Variants in PIGQ observed in about 807,000 individuals in gnomAD.
PIGQ encodes phosphatidylinositol glycan anchor biosynthesis class Q, also known as phosphatidylinositol N-acetylglucosaminyltransferase subunit Q.
PIGQ carries 54 observed loss-of-function variants against 60.3 expected under a neutral mutation model. The ratio of observed to expected loss-of-function variants is 0.90; its 90% CI spans 0.72 to 1.12. The LOEUF (loss-of-function observed/expected upper bound fraction) is 1.12. Ranked by LOEUF, PIGQ falls within the 50% of genes most tolerant of loss-of-function variation. The probability of loss-of-function intolerance (pLI) is 0.00; values close to 1 mark genes in which losing one functional copy is unlikely to be tolerated. For missense variants in PIGQ, 799 were observed against 793.5 expected (o/e 1.01, Z -0.08); for synonymous variants, 416 against 363.7 (o/e 1.14, Z -1.64).
rs137927310 is a variant in PIGQ at position 574,383 on chromosome 16, G to A, written c.309G>A (p.Thr103=). 268 of 1,610,498 alleles carry A rather than the reference G, an allele frequency of 1.7e-4. No homozygotes were observed. The highest frequency in any genetic ancestry group is 2.1e-4 in the Non-Finnish European group (243 of 1,179,344). Residue 103 remains threonine, a synonymous_variant, in exon 2 of 11, where the codon ACG becomes ACA. Transcript: ENST00000321878. ...GGCTGTGCCGGGAGAGAGGCGGCAC[G>A]TTCTGGAGCTGCGAGGCCACCCACC... ...WLRLCRERGG[T]FWSCEATHRQ...
chr16:571,341 C>CGTGCGT (rs2035621487), intron 1 of PIGQ, among the ~76,000 whole-genome samples: 1 of 13,596 alleles, frequency 7.4e-5, no homozygotes, highest in Non-Finnish European at 1.3e-4. Flanking sequence ...GCCTGGTGCC[C>CGTGCGT]GTGTGTGTGT....
intron 4 of PIGQ, 119 bp downstream of exon 4, chr16:576,373 T>C (rs2035719048): frequency 2.5e-6 from 3 of 1,192,944 alleles, no homozygotes; most frequent in East Asian, 5.1e-5. Context: ...TTCTCCATGC[T>C]CTGGAGACAC....
At chr16:573,397 G>C (rs941427721) in intron 1 of PIGQ, among the ~76,000 whole-genome samples, 1 of 152,154 alleles carries the variant, frequency 6.6e-6, no homozygotes, top group Non-Finnish European at 1.5e-5. Flanking sequence ...GGGTGCCACC[G>C]TGGGCGGGGG....
rs2035861803 is a variant in PIGQ, at chr16:584,098, C to T, written c.*1063C>T. The stretch of plus-strand genomic sequence containing the variant: ...CAGCTGCTGTGACAATAAAACCTGC[C>T]CCGTGTCTGGAGCGCAGGCTCGGTC... On this transcript the variant is annotated 3_prime_UTR_variant, in exon 11 of 11. Transcript: ENST00000321878. 1 of 279,392 alleles carries T rather than the reference C, an allele frequency of 3.6e-6. No homozygotes were observed. The highest frequency in any genetic ancestry group is 3.6e-5 in the South Asian group (1 of 27,788). The allele number at this position is 279,392 out of a possible 1,614,324, so 17.3% of individuals were successfully genotyped here.
Position 578,268 on chromosome 16 carries a change from C to T in PIGQ, c.943-111C>T, listed in dbSNP as rs1372150025. The T allele has an allele frequency of 4.3e-6, 5 of 1,150,056 alleles. No individual in the cohort carries two copies. The Admixed American group carries it at 6.6e-5, about 15-fold the overall frequency. The allele number at this position is 1,150,056 out of a possible 1,614,324, so 71.2% of individuals were successfully genotyped here. ...TGTCCACGCTAGGACGCGGTAGACC[C>T]TGGAGGAGGGAAGGCTGGCCAAGGT... On this transcript the variant is annotated intron_variant, in intron 4 of 10. Coordinates refer to ENST00000321878, the MANE Select transcript of PIGQ (RefSeq NM_004204.5).
At chr16:575,494 G>A (rs765442340) in intron 2 of PIGQ, among the ~76,000 whole-genome samples, 14 of 152,164 alleles carry the variant, frequency 9.2e-5, no homozygotes, top group Admixed American at 2.0e-4. Flanking sequence ...AGGAGACCCC[G>A]GGCAGCTTTC....
In PIGQ at chr16:578,292, G is replaced by C. The variant is rs904386055; in HGVS notation, c.943-87G>C. 4.2e-6 allele frequency: 6 copies of C among 1,416,296 alleles called. No homozygotes were observed. The East Asian group carries it at 1.2e-4, about 29-fold the overall frequency. The allele number at this position is 1,416,296 out of a possible 1,614,324, so 87.7% of individuals were successfully genotyped here. A position where few individuals can be genotyped will look rare whatever the true frequency, so the allele number is the denominator to read the frequency against. On this transcript the variant is annotated intron_variant, in intron 4 of 10. Coordinates refer to ENST00000321878, the MANE Select transcript of PIGQ (RefSeq NM_004204.5). ...CCTGGAGGAGGGAAGGCTGGCCAAGGTGGGAGCCCATCACGAAAGAGCCTG... is the reference window on the plus strand; with the variant it reads ...CCTGGAGGAGGGAAGGCTGGCCAAGCTGGGAGCCCATCACGAAAGAGCCTG...
chr16:577,347 G>A (rs2035734575), intron 4 of PIGQ: 5 of 152,172 alleles, frequency 3.3e-5, no homozygotes, highest in Admixed American at 1.3e-4. Flanking sequence ...GGAGGCCAAG[G>A]CGGGCGGATC....
intron 1 of PIGQ, among the ~76,000 whole-genome samples, chr16:571,673 C>T (rs2105944): frequency 0.27 from 39,857 of 150,164 alleles, 5,908 homozygotes; most frequent in East Asian, 0.62. Context: ...TGCTTTCTCC[C>T]GTCCCATACC....
At chr16:570,206 C>G (rs926872029) in intron 1 of PIGQ, 110 bp downstream of exon 1, 5 of 151,944 alleles carry the variant, frequency 3.3e-5, no homozygotes, top group African/African-American at 1.2e-4. Flanking sequence ...CTGCTTTCTC[C>G]TCCCAGAAGT....
chr16:570,926 G>GTCT (rs2151041832), intron 1 of PIGQ, among the ~76,000 whole-genome samples: 1 of 152,348 alleles, frequency 6.6e-6, no homozygotes, highest in Admixed American at 6.5e-5. Flanking sequence ...GGAAGTCTTA[G>GTCT]TCTTACTACT....
At chr16:578,679 C>A (rs1469975811) in intron 5 of PIGQ, 106 bp from the exon 6 acceptor site, 1 of 1,473,530 alleles carries the variant, frequency 6.8e-7, no homozygotes, top group African/African-American at 1.4e-5. Context: ...AGGGCTGACC[C>A]CACCCTGCCA....
chr16:575,796 G>T lies in PIGQ; in HGVS notation c.690-43G>T, dbSNP rs537715352. 134 of 1,540,528 alleles carry T rather than the reference G, an allele frequency of 8.7e-5. No homozygotes were observed. In the Middle Eastern group the frequency reaches 1.2e-3, roughly 13 times the overall value. ...TGCACAGTGGGGGACGGTGGGAGGA[G>T]GATCTGGAGAGGGACACATCACTCC... On this transcript the variant is annotated intron_variant, in intron 2 of 10. Coordinates refer to ENST00000321878, the MANE Select transcript of PIGQ (RefSeq NM_004204.5).
intron 9 of PIGQ, 96 bp downstream of exon 9, chr16:581,068 C>A: frequency 7.5e-7 from 1 of 1,339,494 alleles, no homozygotes; most frequent in Non-Finnish European, 1.1e-6. Context: ...GCCACTGTGC[C>A]TCCAGCCTGG....
At chr16:582,651 C>G in intron 10 of PIGQ, 1 of 599,146 alleles carries the variant, frequency 1.7e-6, no homozygotes, top group Non-Finnish European at 3.0e-6. Context: ...GTGGCACGGC[C>G]CCTCAGAGTT....
chr16:582,123 C>T, intron 9 of PIGQ, 125 bp from the exon 10 acceptor site: 1 of 748,776 alleles, frequency 1.3e-6, no homozygotes, highest in Non-Finnish European at 2.4e-6. Flanking sequence ...GCGGGGAGAG[C>T]TTCGTGGGTG....
chr16:581,208 C>T (rs1313321158), intron 9 of PIGQ: 5 of 1,427,304 alleles, frequency 3.5e-6, no homozygotes, highest in African/African-American at 2.9e-5. Flanking sequence ...GGTTCAGAAC[C>T]CTGGAGACCT....
At position 574,576 on chromosome 16, in the gene PIGQ, A is replaced by G. The variant is rs372058981; in HGVS notation, c.502A>G (p.Thr168Ala). Residue 168 changes from threonine to alanine, a missense_variant, in exon 2 of 11, where the codon ACG becomes GCG. Transcript: ENST00000321878. ...GGGGGGCCTGGCTGCCGTCTTCGAC[A>G]CGGTAGCACGCAGTGAGGTGCTCTT... ...STGGLAAVFD[T>A]VARSEVLFRS... 1 of 1,603,630 alleles carries G rather than the reference A, an allele frequency of 6.2e-7. No homozygotes were observed. Among genetic ancestry groups the G allele is most frequent in the Non-Finnish European group, 8.5e-7 (1 of 1,175,844 alleles).
intron 1 of PIGQ, among the ~76,000 whole-genome samples, chr16:572,192 C>G (rs1183277038): frequency 6.6e-6 from 1 of 152,218 alleles, no homozygotes; most frequent in East Asian, 1.9e-4. Context: ...GGTCACACAG[C>G]CAGACACGCT....
Sources: allele counts gnomAD v4.1 joint callset (sites outside exome capture counted in the v4.1 genomes callset), GRCh38; gene constraint gnomAD v4.1.1; transcripts MANE v1.5; gene names NCBI Gene and HGNC (gene_info 2026-07-23, HGNC 2026-07-21).